The following IGFL3 variants were observed in gnomAD, a reference collection of about 807,000 sequenced individuals.
IGFL3 encodes the protein insulin growth factor-like family member 3.
Under a neutral mutation model 17.0 loss-of-function variants are expected in IGFL3, and 12 were observed. The ratio of observed to expected loss-of-function variants is 0.71; its 90% CI spans 0.45 to 1.14. The LOEUF (loss-of-function observed/expected upper bound fraction) is 1.14, where lower values mean the gene tolerates loss of function less well. Among genes scored for constraint, IGFL3 ranks in the 50% most tolerant of loss-of-function variants. The pLI, the probability that IGFL3 is intolerant of heterozygous loss-of-function variation, is 0.00. For synonymous variants in IGFL3, 52 were observed against 57.4 expected (o/e 0.91, Z 0.42); for missense variants, 153 against 151.6 (o/e 1.01, Z -0.05).
chr19:46,120,431 A>G (rs893694681), intron 3 of IGFL3, 74 bp from the exon 4 acceptor site: 12 of 1,596,730 alleles, frequency 7.5e-6, no homozygotes, highest in African/African-American at 6.8e-5. Flanking sequence ...TACAAAAGCA[A>G]TTTTAACAAA....
In IGFL3 at chr19:46,124,437, G is replaced by T. The variant is rs1486193160; in HGVS notation, c.26-116C>A. On this transcript the variant is annotated intron_variant, in intron 1 of 3. Transcript: ENST00000341415. Reference sequence around the variant, plus strand: ...GTTTAAAGGTGGAGATTATCACTTGGGGCTAAGTCTGTATGGGATCCCGTT... The same window carrying T: ...GTTTAAAGGTGGAGATTATCACTTGTGGCTAAGTCTGTATGGGATCCCGTT... 2.9e-5 allele frequency: 36 copies of T among 1,260,750 alleles called. No individual in the cohort carries two copies. The South Asian group carries it at 3.9e-4, about 14-fold the overall frequency. The allele number at this position is 1,260,750 out of a possible 1,614,324, so 78.1% of individuals were successfully genotyped here.
chr19:46,120,525 A>G lies in IGFL3; in HGVS notation c.351-168T>C, dbSNP rs533161575. ...AGTCACCATGAAAAAGCAGGAAGAT[A>G]GGACACCACATGAAAGATCATAACA... On this transcript the variant is annotated intron_variant, in intron 3 of 3. Transcript: ENST00000341415. Among the ~76,000 whole-genome samples the G allele has an allele frequency of 2.6e-5, 4 of 151,204 alleles. No homozygotes were observed. In the South Asian group the frequency reaches 8.3e-4, roughly 32 times the overall value.
chr19:46,124,629 G>C lies in IGFL3; in HGVS notation c.21C>G (p.Ile7Met). The change falls in exon 1 of 4, where the codon ATC (isoleucine) becomes ATG (methionine). Residue 7 changes from isoleucine to methionine, a missense_variant. Coordinates refer to ENST00000341415, the MANE Select transcript of IGFL3 (RefSeq NM_207393.2). ...TGGATTTGGGGTCCTACTTGCCCAA[G>C]ATGCAGCATCGTGGCCTCATGCTTC... is the stretch of plus-strand genomic sequence containing the variant. MRPRCC[I>M]LALVCWITVF... 6.2e-7 allele frequency: 1 copy of C among 1,609,080 alleles called. No individual in the cohort carries two copies. The highest frequency in any genetic ancestry group is 8.5e-7 in the Non-Finnish European group (1 of 1,177,678).
intron 3 of IGFL3, among the ~76,000 whole-genome samples, chr19:46,122,194 T>C (rs1971813265): frequency 6.6e-6 from 1 of 150,964 alleles, no homozygotes; most frequent in Admixed American, 6.6e-5. Context: ...TTTCCCCACA[T>C]TGTTGATTGT....
At chr19:46,122,266 A>G (rs1971817529) in intron 3 of IGFL3, among the ~76,000 whole-genome samples, 1 of 151,066 alleles carries the variant, frequency 6.6e-6, no homozygotes, top group South Asian at 2.1e-4. Context: ...AAACATCTTT[A>G]GCCAGGGTAA....
chr19:46,121,550 T>A lies in IGFL3; in HGVS notation c.351-1193A>T. ...CTCTCAGCTGTGGAGAAAGAAAAAT[T>A]GAGGAATTATGAGACAAAGACAAGA... On this transcript the variant is annotated intron_variant, in intron 3 of 3. Coordinates refer to ENST00000341415, the MANE Select transcript of IGFL3 (RefSeq NM_207393.2). Among the ~76,000 whole-genome samples, 2 of 149,512 alleles carry A rather than the reference T, an allele frequency of 1.3e-5. 1 individual carries two copies. The highest frequency in any genetic ancestry group is 5.0e-5 in the African/African-American group (2 of 40,028).
At position 46,124,095 on chromosome 19, in the gene IGFL3, G is replaced by A. The variant is rs139453059; in HGVS notation, c.141C>T (p.Ile47=). The change falls in exon 3 of 4, where the codon ATC becomes ATT. Residue 47 remains isoleucine, a synonymous_variant. Coordinates refer to ENST00000341415, the MANE Select transcript of IGFL3 (RefSeq NM_207393.2). ...CQPTPRCGNK[I]YNPSEQCCYD... ...AACAGCACTGCTCTGAAGGGTTGTA[G>A]ATCTTGTTCCCACACCTGGGTGTCG... The A allele has an allele frequency of 6.2e-7, 1 of 1,611,400 alleles. No individual in the cohort carries two copies. Among genetic ancestry groups the A allele is most frequent in the Non-Finnish European group, 8.5e-7 (1 of 1,179,626 alleles).
chr19:46,123,834 T>C, intron 3 of IGFL3, 52 bp downstream of exon 3: 1 of 1,542,688 alleles, frequency 6.5e-7, no homozygotes, highest in Non-Finnish European at 8.8e-7. Flanking sequence ...GCCCTCTGTA[T>C]CCCTCATCCC....
chr19:46,120,194 C>G lies in IGFL3; in HGVS notation c.*136G>C. 7.7e-7 allele frequency: 1 copy of G among 1,291,138 alleles called. No homozygotes were observed. The highest frequency in any genetic ancestry group is 2.8e-5 in the East Asian group (1 of 35,540). 80.0% of individuals were successfully genotyped at this position (1,291,138 alleles called of 1,614,324 possible). A position where few individuals can be genotyped will look rare whatever the true frequency, so the allele number is the denominator to read the frequency against. Reference sequence around the variant, plus strand: ...AGTCTGGCCATCCCCAGCTGGGCTCCTCTCCAAAGCTATGTCATTGAGCCA... The same window carrying G: ...AGTCTGGCCATCCCCAGCTGGGCTCGTCTCCAAAGCTATGTCATTGAGCCA... On this transcript the variant is annotated 3_prime_UTR_variant, in exon 4 of 4. Transcript: ENST00000341415.
chr19:46,123,655 T>G lies in IGFL3; in HGVS notation c.350+231A>C, dbSNP rs143430345. On this transcript the variant is annotated intron_variant, in intron 3 of 3. Transcript: ENST00000341415. Reference sequence around the variant, plus strand: ...TTTCTACCAGCTGAGTGTCTGGTGATAGCTGGGTGCAAGAAGATTGTGAGT... The same window carrying G: ...TTTCTACCAGCTGAGTGTCTGGTGAGAGCTGGGTGCAAGAAGATTGTGAGT... Among the ~76,000 whole-genome samples the G allele has an allele frequency of 4.1e-3, 622 of 150,988 alleles. 42 individuals carry two copies. The highest frequency in any genetic ancestry group is 0.014 in the African/African-American group (586 of 40,712).
rs765549241 is a variant in IGFL3, at chr19:46,124,065, A to G, written c.171T>C (p.Asp57=). Residue 57 remains aspartate (D), a synonymous_variant, in exon 3 of 4, where the codon GAT becomes GAC. Coordinates refer to ENST00000341415, the MANE Select transcript of IGFL3 (RefSeq NM_207393.2). ...IYNPSEQCCY[D]DAILSLKETR... The stretch of plus-strand genomic sequence containing the variant: ...TCTCCTTTAAGGATAAGATGGCATC[A>G]TCATAACAGCACTGCTCTGAAGGGT... 6.2e-7 allele frequency: 1 copy of G among 1,611,512 alleles called. No homozygotes were observed. The highest frequency in any genetic ancestry group is 1.4e-5 in the African/African-American group (1 of 73,888).
intron 3 of IGFL3, among the ~76,000 whole-genome samples, chr19:46,121,549 T>G (rs2146713064): frequency 6.7e-6 from 1 of 149,048 alleles, no homozygotes; most frequent in East Asian, 2.0e-4. Flanking sequence ...GAAAGAAAAA[T>G]TGAGGAATTA....
intron 3 of IGFL3, among the ~76,000 whole-genome samples, chr19:46,120,769 T>TAAA (rs1256746549): frequency 2.0e-5 from 3 of 150,748 alleles, no homozygotes; most frequent in Non-Finnish European, 4.4e-5. Context: ...ATGCATATAG[T>TAAA]AAAAAAATGT....
intron 3 of IGFL3, 42 bp downstream of exon 3, chr19:46,123,844 C>T: frequency 1.3e-6 from 2 of 1,560,954 alleles, no homozygotes; most frequent in Non-Finnish European, 1.7e-6. Flanking sequence ...TCCCTCATCC[C>T]TCCCTCATTC....
chr19:46,120,476 G>A, intron 3 of IGFL3, 119 bp from the exon 4 acceptor site: 1 of 1,429,008 alleles, frequency 7.0e-7, no homozygotes, highest in South Asian at 1.3e-5. Flanking sequence ...TACACCAGAT[G>A]TGTAGATATC....
intron 3 of IGFL3, among the ~76,000 whole-genome samples, chr19:46,121,215 CA>C (rs1467978355): frequency 2.1e-5 from 3 of 145,662 alleles, no homozygotes; most frequent in Non-Finnish European, 3.0e-5. Context: ...CTGTCTCTAC[CA>C]AAAAAAAACC....
chr19:46,124,529 A>ATAATG (rs1971983369), intron 1 of IGFL3, 96 bp downstream of exon 1: 1 of 1,289,156 alleles, frequency 7.8e-7, no homozygotes, highest in Admixed American at 1.7e-5. Flanking sequence ...GGAGGCTGGA[A>ATAATG]TAATGTTAGA....
At chr19:46,123,821 C>T in intron 3 of IGFL3, 65 bp downstream of exon 3, 1 of 1,506,838 alleles carries the variant, frequency 6.6e-7, no homozygotes, top group Non-Finnish European at 8.9e-7. Flanking sequence ...AGTTCCTCTT[C>T]AAGCCCTCTG....
rs1971678707 is a variant in IGFL3 at position 46,120,243 on chromosome 19, T to C, written c.*87A>G. 1.4e-5 allele frequency: 22 copies of C among 1,585,246 alleles called. No individual in the cohort carries two copies. The highest frequency in any genetic ancestry group is 1.9e-5 in the Non-Finnish European group (22 of 1,165,752). Reference sequence around the variant, plus strand: ...CATCCCTCTGAAGTCAAGTTGCTTCTCTCCGAAGTTCAACTGTAGTCTCCG... The same window carrying C: ...CATCCCTCTGAAGTCAAGTTGCTTCCCTCCGAAGTTCAACTGTAGTCTCCG... On this transcript the variant is annotated 3_prime_UTR_variant, in exon 4 of 4. Coordinates refer to ENST00000341415, the MANE Select transcript of IGFL3 (RefSeq NM_207393.2).
Sources: allele counts gnomAD v4.1 joint callset (sites outside exome capture counted in the v4.1 genomes callset), GRCh38; gene constraint gnomAD v4.1.1; transcripts MANE v1.5; gene names NCBI Gene and HGNC (gene_info 2026-07-23, HGNC 2026-07-21).